FHL2: variants seen among roughly 807,000 people sequenced by gnomAD.
FHL2 encodes four and a half LIM domains protein 2.
Under a neutral mutation model 32.7 loss-of-function variants are expected in FHL2, and 20 were observed. That is an observed-to-expected ratio of 0.61 (90% CI 0.43 to 0.89). The LOEUF (loss-of-function observed/expected upper bound fraction) is 0.89. Ranked by LOEUF, FHL2 falls within the 40% of genes least tolerant of loss-of-function variation. The pLI is 0.00. For missense variants in FHL2, 311 were observed against 358.6 expected (o/e 0.87, Z 1.07); for synonymous variants, 123 against 128.1 (o/e 0.96, Z 0.27).
chr2:105,404,255 G>C (rs990868416), intron 1 of FHL2, among the ~76,000 whole-genome samples: 1 of 152,224 alleles, frequency 6.6e-6, no homozygotes, highest in Admixed American at 6.5e-5. Flanking sequence ...CTCAAACCTT[G>C]GCCAGGAAAC....
At chr2:105,424,017 T>C (rs1325210281) in intron 1 of FHL2, among the ~76,000 whole-genome samples, 1 of 152,148 alleles carries the variant, frequency 6.6e-6, no homozygotes, top group Non-Finnish European at 1.5e-5. Flanking sequence ...AAAGCCCAAA[T>C]AGACAAATGG....
Position 105,373,621 on chromosome 2 carries a change from G to A in FHL2, c.269C>T (p.Thr90Ile). The A allele has an allele frequency of 1.2e-6, 2 of 1,614,220 alleles. No homozygotes were observed. The highest frequency in any genetic ancestry group is 1.7e-6 in the Non-Finnish European group (2 of 1,180,024). The change falls in exon 4 of 7, where the codon ACA (threonine) becomes ATA (isoleucine). Residue 90 changes from threonine to isoleucine, a missense_variant. By Grantham distance (89) the Thr-to-Ile change is moderately conservative. Coordinates refer to ENST00000530340, the MANE Select transcript of FHL2 (RefSeq NM_001318895.3). Reference protein sequence around the residue: ...FAAKEDQLLCTDCYSNEYSSK... With the variant: ...FAAKEDQLLCIDCYSNEYSSK... ...TGAGTACTCGTTGGAATAGCAGTCT[G>A]TACAGAGCAGCTGGTCCTCCTTGGC...
chr2:105,377,050 C>T (rs1181339442), intron 3 of FHL2, among the ~76,000 whole-genome samples: 1 of 152,184 alleles, frequency 6.6e-6, no homozygotes, highest in African/African-American at 2.4e-5. Flanking sequence ...TGTTCTGTAA[C>T]CCATTCATGC....
intron 1 of FHL2, among the ~76,000 whole-genome samples, chr2:105,436,882 C>T (rs563504247): frequency 6.6e-6 from 1 of 152,170 alleles, no homozygotes; most frequent in Non-Finnish European, 1.5e-5. Context: ...TTACCTCTTT[C>T]TTTGGTGGGG....
Position 105,408,947 on chromosome 2 carries a change from G to A in FHL2, c.-24-22407C>T, listed in dbSNP as rs527885635. Among the ~76,000 whole-genome samples the A allele has an allele frequency of 2.0e-5, 3 of 152,264 alleles. 1 individual carries two copies. Among genetic ancestry groups the A allele is most frequent in the Admixed American group, 1.3e-4 (2 of 15,294 alleles). ...CGTGATGTAGCAGGCAGCAGAGCAA[G>A]GGCAGAGGGGAGACCAGGCTGAGCC... On this transcript the variant is annotated intron_variant, in intron 1 of 5. Transcript: ENST00000393352.
At chr2:105,387,463 T>C (rs770649194) in intron 2 of FHL2, among the ~76,000 whole-genome samples, 1 of 152,170 alleles carries the variant, frequency 6.6e-6, no homozygotes, top group East Asian at 1.9e-4. Flanking sequence ...GCGGGTAAGA[T>C]CATCCTGCAG....
At chr2:105,390,655 T>C (rs2104603806) in intron 2 of FHL2, among the ~76,000 whole-genome samples, 1 of 152,260 alleles carries the variant, frequency 6.6e-6, no homozygotes, top group African/African-American at 2.4e-5. Context: ...CTGAAGGAGT[T>C]CCACACAGTT....
At chr2:105,403,447 C>T (rs767811436), upstream of FHL2, among the ~76,000 whole-genome samples, 1 of 152,192 alleles carries the variant, frequency 6.6e-6, no homozygotes, top group African/African-American at 2.4e-5. Flanking sequence ...ACAACACTGC[C>T]CATAACGTTT....
chr2:105,435,101 T>C (rs1189338256), intron 1 of FHL2, among the ~76,000 whole-genome samples: 1 of 152,186 alleles, frequency 6.6e-6, no homozygotes, highest in Non-Finnish European at 1.5e-5. Flanking sequence ...TTTTGGTGTA[T>C]TTTTTCAGTT....
intron 3 of FHL2, 90 bp downstream of exon 3, chr2:105,386,271 A>G: frequency 6.9e-7 from 1 of 1,455,166 alleles, no homozygotes; most frequent in South Asian, 1.3e-5. Context: ...GACAGACTTC[A>G]GTGGTGGATC....
intron 1 of FHL2, among the ~76,000 whole-genome samples, chr2:105,426,226 G>A (rs1227641625): frequency 3.9e-5 from 6 of 152,162 alleles, no homozygotes; most frequent in Non-Finnish European, 8.8e-5. Flanking sequence ...ATAAGGAAGT[G>A]AGAAGAAAAG....
At chr2:105,367,007 C>A (rs1457973094) in intron 5 of FHL2, among the ~76,000 whole-genome samples, 1 of 152,182 alleles carries the variant, frequency 6.6e-6, no homozygotes, top group African/African-American at 2.4e-5. Context: ...TGGCCTCCCA[C>A]AGGTGATCCA....
intron 1 of FHL2, among the ~76,000 whole-genome samples, chr2:105,424,714 A>C (rs1299219343): frequency 6.6e-6 from 1 of 152,244 alleles, no homozygotes; most frequent in Non-Finnish European, 1.5e-5. Context: ...GGATAAGTTC[A>C]TGTCCTTTGC....
At chr2:105,426,415 A>G (rs2104676151) in intron 1 of FHL2, among the ~76,000 whole-genome samples, 1 of 152,356 alleles carries the variant, frequency 6.6e-6, no homozygotes, top group South Asian at 2.1e-4. Flanking sequence ...TGAAAAACAC[A>G]TGGTAAAGAA....
intron 1 of FHL2, among the ~76,000 whole-genome samples, chr2:105,432,870 G>A (rs1465408580): frequency 1.3e-5 from 2 of 152,230 alleles, no homozygotes; most frequent in Admixed American, 1.3e-4. Context: ...TTGAAAGGTA[G>A]GGAGTGAATA....
chr2:105,402,176 T>G (rs1482728263), upstream of FHL2, among the ~76,000 whole-genome samples: 3 of 149,600 alleles, frequency 2.0e-5, no homozygotes, highest in Non-Finnish European at 4.4e-5. Context: ...TATATATGTA[T>G]CTGTATGTAT....
At chr2:105,420,994 C>T (rs1425241654) in intron 1 of FHL2, among the ~76,000 whole-genome samples, 1 of 152,090 alleles carries the variant, frequency 6.6e-6, no homozygotes, top group Non-Finnish European at 1.5e-5. Flanking sequence ...TAGGAGAAAA[C>T]GGGGCTCCAT....
intron 6 of FHL2, among the ~76,000 whole-genome samples, chr2:105,362,507 G>A (rs2104482435): frequency 6.6e-6 from 1 of 152,272 alleles, no homozygotes; most frequent in African/African-American, 2.4e-5. Context: ...CCAGGCCACC[G>A]GGTACTCCAA....
At chr2:105,386,581 C>G (rs769007898) in intron 2 of FHL2, 41 bp from the exon 3 acceptor site, 2 of 1,585,354 alleles carry the variant, frequency 1.3e-6, no homozygotes, top group South Asian at 2.2e-5. Context: ...ATTAAGCACT[C>G]TCTGAAAGGG....
Sources: allele counts gnomAD v4.1 joint callset (sites outside exome capture counted in the v4.1 genomes callset), GRCh38; gene constraint gnomAD v4.1.1; transcripts MANE v1.5; gene names NCBI Gene and HGNC (gene_info 2026-07-23, HGNC 2026-07-21).